Variants in SNX24 observed in about 807,000 individuals in gnomAD.
SNX24 encodes the protein sorting nexin 24, also known as sorting nexin-24.
A neutral mutation model predicts 28.7 loss-of-function variants in SNX24; 22 were observed. The ratio of observed to expected loss-of-function variants is 0.77; its 90% CI spans 0.55 to 1.10. SNX24 has a LOEUF of 1.10. Among genes scored for constraint, SNX24 ranks in the 50% least tolerant of loss-of-function variants. The probability of loss-of-function intolerance (pLI) is 0.00; values close to 1 mark genes in which losing one functional copy is unlikely to be tolerated. For missense variants in SNX24, 221 were observed against 201.1 expected (o/e 1.10, Z -0.60); for synonymous variants, 69 against 71.5 (o/e 0.96, Z 0.18).
chr5:122,974,093 A>G (rs534013273), intron 3 of SNX24, among the ~76,000 whole-genome samples: 15 of 152,302 alleles, frequency 9.8e-5, no homozygotes, highest in Admixed American at 8.5e-4. Flanking sequence ...ACATAGGTCC[A>G]CTAGGCATTG....
chr5:123,024,052 A>G, intron 5 of SNX24: 1 of 1,579,512 alleles, frequency 6.3e-7, no homozygotes, highest in Non-Finnish European at 8.6e-7. Flanking sequence ...CAGCAGCTAT[A>G]GCAATCCAAA....
intron 5 of SNX24, among the ~76,000 whole-genome samples, chr5:123,028,227 C>T (rs1762889788): frequency 6.6e-6 from 1 of 152,144 alleles, no homozygotes. Context: ...AACACATAGC[C>T]AGGAGTGTGA....
At chr5:122,941,560 T>C (rs2150121533) in intron 2 of SNX24, among the ~76,000 whole-genome samples, 1 of 152,302 alleles carries the variant, frequency 6.6e-6, no homozygotes, top group African/African-American at 2.4e-5. Context: ...CCATTTAGAA[T>C]ACAGATTTCT....
intron 5 of SNX24, chr5:123,028,378 G>A (rs780062222): frequency 6.0e-5 from 10 of 166,080 alleles, no homozygotes; most frequent in Non-Finnish European, 1.2e-4. Context: ...CTCCTGGCAT[G>A]AGGCCCGTCT....
At chr5:122,974,984 C>A (rs1470600990) in intron 3 of SNX24, among the ~76,000 whole-genome samples, 1 of 152,184 alleles carries the variant, frequency 6.6e-6, no homozygotes, top group African/African-American at 2.4e-5. Context: ...GGACCTAAAA[C>A]TCCATTAATT....
chr5:122,919,878 A>G (rs1178996961), intron 1 of SNX24, among the ~76,000 whole-genome samples: 1 of 152,134 alleles, frequency 6.6e-6, no homozygotes, highest in Non-Finnish European at 1.5e-5. Context: ...GGTTATAACA[A>G]CTTTAGAAAA....
intron 3 of SNX24, among the ~76,000 whole-genome samples, chr5:122,975,195 C>T (rs527835008): frequency 6.6e-6 from 1 of 152,320 alleles, no homozygotes; most frequent in East Asian, 1.9e-4. Flanking sequence ...CTTAGTTCTC[C>T]ACACCAGATT....
chr5:123,004,824 C>T (rs1442804668), intron 6 of SNX24, among the ~76,000 whole-genome samples: 1 of 152,184 alleles, frequency 6.6e-6, no homozygotes, highest in Admixed American at 6.5e-5. Flanking sequence ...TTGAATGCCA[C>T]GGCTTCAGAG....
rs1246372129 is a variant in SNX24, at chr5:122,979,660, GAGAATACT to G, written c.250-20250_250-20243del. On this transcript the variant is annotated intron_variant, in intron 3 of 6. Transcript: ENST00000261369. ...TGAATAACAAATACAGTAATAATCA[GAGAATACT>G]AATTTTAAGCATGTGATATTTGAAG... Among the ~76,000 whole-genome samples, 21 of 152,284 alleles carry G rather than the reference GAGAATACT, an allele frequency of 1.4e-4. No homozygotes were observed. In the East Asian group the frequency reaches 4.0e-3, roughly 29 times the overall value.
At chr5:123,012,616 A>G (rs1259471582), downstream of SNX24, among the ~76,000 whole-genome samples, 2 of 152,232 alleles carry the variant, frequency 1.3e-5, no homozygotes, top group Non-Finnish European at 2.9e-5. Context: ...ACTTAATGCC[A>G]TAGTATTGTA....
intron 2 of SNX24, among the ~76,000 whole-genome samples, chr5:122,937,680 G>A (rs759043167): frequency 1.3e-5 from 2 of 152,092 alleles, no homozygotes; most frequent in Non-Finnish European, 2.9e-5. Flanking sequence ...TAAGTTATTG[G>A]TACACTTTTC....
intron 5 of SNX24, among the ~76,000 whole-genome samples, chr5:123,015,880 C>T (rs929330179): frequency 1.3e-5 from 2 of 152,052 alleles, no homozygotes; most frequent in Non-Finnish European, 2.9e-5. Flanking sequence ...CATGAGCCAC[C>T]CTTTAAGGCA....
intron 1 of SNX24, among the ~76,000 whole-genome samples, chr5:122,890,471 A>ATT (rs1161406947): frequency 0.71 from 97,905 of 138,842 alleles, 35,196 homozygotes; most frequent in East Asian, 0.97. Context: ...TTTAGAGGGG[A>ATT]TTTTTTTTTT....
intron 1 of SNX24, among the ~76,000 whole-genome samples, chr5:122,901,038 TA>T (rs1757422156): frequency 6.6e-6 from 1 of 151,842 alleles, no homozygotes; most frequent in Non-Finnish European, 1.5e-5. Context: ...CCGTCTCTAT[TA>T]AAAATACAAA....
intron 5 of SNX24, among the ~76,000 whole-genome samples, chr5:123,020,062 A>G (rs533242217): frequency 1.6e-3 from 240 of 152,370 alleles, no homozygotes; most frequent in African/African-American, 5.0e-3. Context: ...GAAGTCAGGT[A>G]TGCTCACAGT....
intron 2 of SNX24, among the ~76,000 whole-genome samples, chr5:122,939,395 C>T (rs1477794514): frequency 6.6e-6 from 1 of 152,064 alleles, no homozygotes; most frequent in Non-Finnish European, 1.5e-5. Context: ...TATTTATGTG[C>T]TTTCTCATTT....
chr5:122,955,861 G>A (rs568565631), intron 3 of SNX24, among the ~76,000 whole-genome samples: 10 of 152,216 alleles, frequency 6.6e-5, no homozygotes, highest in African/African-American at 2.2e-4. Flanking sequence ...CCCTCTCATC[G>A]ACACCTCATT....
intron 1 of SNX24, among the ~76,000 whole-genome samples, chr5:122,884,125 G>C (rs1225833726): frequency 6.6e-6 from 1 of 152,096 alleles, no homozygotes; most frequent in Non-Finnish European, 1.5e-5. Context: ...GGAAGTCTCA[G>C]ATATGAAACA....
At chr5:122,889,697 G>A (rs1756875598) in intron 1 of SNX24, among the ~76,000 whole-genome samples, 1 of 129,664 alleles carries the variant, frequency 7.7e-6, no homozygotes, top group African/African-American at 3.1e-5. Context: ...GTATATGTAT[G>A]TGTATATATA....
Sources: gnomAD v4.1 joint callset for allele counts (sites outside exome capture counted in the v4.1 genomes callset) on GRCh38, gnomAD v4.1.1 for gene constraint, MANE v1.5 for transcripts, NCBI Gene and HGNC (gene_info 2026-07-23, HGNC 2026-07-21) for gene names.